The following SLC7A5 variants were observed in gnomAD, a reference collection of about 807,000 sequenced individuals.
SLC7A5 encodes the protein solute carrier family 7 member 5.
In SLC7A5, 23 loss-of-function variants were observed where a neutral mutation model predicts 50.2. That is an observed-to-expected ratio of 0.46 (90% CI 0.33 to 0.65). The LOEUF is 0.65. SLC7A5 is among the 30% of genes least tolerant of loss of function. The pLI, the probability that SLC7A5 is intolerant of heterozygous loss-of-function variation, is 0.02. For synonymous variants in SLC7A5, 393 were observed against 330.6 expected (o/e 1.19, Z -2.05); for missense variants, 578 against 684.4 (o/e 0.84, Z 1.73).
rs1448993331 is a variant in SLC7A5, at chr16:87,862,463, G to A, written c.538+6422C>T. ...TTCCTACTTCCACCCATAGCCCCCC[G>A]ACCCTGGGCCTGTGCCGAGCGTGGG... On this transcript the variant is annotated intron_variant, in intron 1 of 9. Transcript: ENST00000261622. This position sits in a 1 kb window ranked among gnomAD's most constrained non-coding sequence, Gnocchi z 5.3. Among the ~76,000 whole-genome samples, 1 of 152,234 alleles carries A rather than the reference G, an allele frequency of 6.6e-6. No individual in the cohort carries two copies. The highest frequency in any genetic ancestry group is 1.5e-5 in the Non-Finnish European group (1 of 68,036).
chr16:87,852,918 C>T lies in SLC7A5; in HGVS notation c.539-1069G>A, dbSNP rs1441487618. Reference sequence around the variant, plus strand: ...TCACTGCCTGCTGCACTACCCTTCACTCCTCTGCTCACGAGGTTATCTGTC... The same window carrying T: ...TCACTGCCTGCTGCACTACCCTTCATTCCTCTGCTCACGAGGTTATCTGTC... On this transcript the variant is annotated intron_variant, in intron 1 of 9. Transcript: ENST00000261622. This position sits in a 1 kb window ranked among gnomAD's most constrained non-coding sequence, Gnocchi z 4.5. Among the ~76,000 whole-genome samples the T allele has an allele frequency of 6.6e-6, 1 of 152,220 alleles. No homozygotes were observed. The highest frequency in any genetic ancestry group is 1.5e-5 in the Non-Finnish European group (1 of 68,038).
chr16:87,866,451 C>A (rs1337508304), intron 1 of SLC7A5, among the ~76,000 whole-genome samples: 1 of 152,064 alleles, frequency 6.6e-6, no homozygotes, highest in Non-Finnish European at 1.5e-5. Context: ...CAGGTGTGCG[C>A]CATGACGCCC....
intron 3 of SLC7A5, 35 bp from the exon 4 acceptor site, chr16:87,840,508 T>C: frequency 2.0e-6 from 3 of 1,528,574 alleles, no homozygotes; most frequent in Non-Finnish European, 2.7e-6. Context: ...AATTATATGA[T>C]CCTCATCAGG....
At chr16:87,859,856 G>C (rs1441868586) in intron 1 of SLC7A5, among the ~76,000 whole-genome samples, 2 of 151,982 alleles carry the variant, frequency 1.3e-5, no homozygotes, top group African/African-American at 4.8e-5. Flanking sequence ...CAGGAGAATC[G>C]CTTGAACCGG....
At chr16:87,850,807 GC>G (rs1217454500) in intron 2 of SLC7A5, among the ~76,000 whole-genome samples, 1 of 152,206 alleles carries the variant, frequency 6.6e-6, no homozygotes, top group Non-Finnish European at 1.5e-5. Context: ...TGAAACCCCA[GC>G]CCGACCTCAC....
At chr16:87,868,542 T>C (rs967411491) in intron 1 of SLC7A5, among the ~76,000 whole-genome samples, 28 of 152,218 alleles carry the variant, frequency 1.8e-4, no homozygotes, top group South Asian at 6.2e-4. Flanking sequence ...TTACTCCACG[T>C]GGGTGCCACG....
chr16:87,852,572 G>A lies in SLC7A5; in HGVS notation c.539-723C>T, dbSNP rs1417043175. On this transcript the variant is annotated intron_variant, in intron 1 of 9. Coordinates refer to ENST00000261622, the MANE Select transcript of SLC7A5 (RefSeq NM_003486.7). This position sits in a 1 kb window ranked among gnomAD's most constrained non-coding sequence, Gnocchi z 4.5. ...GGCGCTGAGATGTGGGGTCAGGCAC[G>A]CTCAGACAGGTCTCCAGACACCAGC... Among the ~76,000 whole-genome samples the A allele has an allele frequency of 1.3e-5, 2 of 151,726 alleles. No individual in the cohort carries two copies. Among genetic ancestry groups the A allele is most frequent in the African/African-American group, 2.4e-5 (1 of 41,290 alleles).
At chr16:87,867,335 C>G (rs2055475844) in intron 1 of SLC7A5, among the ~76,000 whole-genome samples, 1 of 152,210 alleles carries the variant, frequency 6.6e-6, no homozygotes, top group Non-Finnish European at 1.5e-5. Context: ...CAGTGAAATT[C>G]TAATGACAAA....
rs2055370279 is a variant in SLC7A5, at chr16:87,860,013, A to C, written c.539-8164T>G. On this transcript the variant is annotated intron_variant, in intron 1 of 9. Coordinates refer to ENST00000261622, the MANE Select transcript of SLC7A5 (RefSeq NM_003486.7). The surrounding 1 kb of genome is among the most constrained non-coding windows in gnomAD (Gnocchi z 4.8). The stretch of plus-strand genomic sequence containing the variant: ...TTCTATTGATACCAGGTCTTTAGCT[A>C]ATAACTCTTTCAACCAATTGTGAAT... Among the ~76,000 whole-genome samples, 1 of 151,998 alleles carries C rather than the reference A, an allele frequency of 6.6e-6. No homozygotes were observed. The highest frequency in any genetic ancestry group is 1.5e-5 in the Non-Finnish European group (1 of 68,008).
In SLC7A5 at chr16:87,834,552, G is replaced by A; in HGVS notation, c.1330C>T (p.Leu444Phe). 3 of 1,598,944 alleles carry A rather than the reference G, an allele frequency of 1.9e-6. No homozygotes were observed. Among genetic ancestry groups the A allele is most frequent in the Non-Finnish European group, 1.7e-6 (2 of 1,174,450 alleles). Residue 444 changes from leucine (L) to phenylalanine (F), a missense_variant, in exon 9 of 10, where the codon CTC becomes TTC. Coordinates refer to ENST00000261622, the MANE Select transcript of SLC7A5 (RefSeq NM_003486.7). ...CAGAAGGAGACGGCGATCAGGAAGA[G>A]GCAGGCCAGGATGAAGAACACAGGC... Reference protein sequence around the residue: ...ALPVFFILACLFLIAVSFWKT... With the variant: ...ALPVFFILACFFLIAVSFWKT...
intron 2 of SLC7A5, among the ~76,000 whole-genome samples, chr16:87,844,262 G>A (rs1018731052): frequency 2.0e-5 from 3 of 152,206 alleles, no homozygotes; most frequent in African/African-American, 2.4e-5. Context: ...AACCCCGGGT[G>A]GGGGGAAGGC....
chr16:87,852,492 G>C lies in SLC7A5; in HGVS notation c.539-643C>G, dbSNP rs949963608. Among the ~76,000 whole-genome samples the C allele has an allele frequency of 6.6e-6, 1 of 152,152 alleles. No individual in the cohort carries two copies. Among genetic ancestry groups the C allele is most frequent in the Non-Finnish European group, 1.5e-5 (1 of 68,018 alleles). On this transcript the variant is annotated intron_variant, in intron 1 of 9. Transcript: ENST00000261622. This position sits in a 1 kb window ranked among gnomAD's most constrained non-coding sequence, Gnocchi z 4.5. ...ACGATGAAACCCAAAATAGCACCGTGTGCTTCAGAAGCCTGAGTGACCCCA... is the reference window on the plus strand; with the variant it reads ...ACGATGAAACCCAAAATAGCACCGTCTGCTTCAGAAGCCTGAGTGACCCCA...
At chr16:87,835,211 C>T (rs1456912954) in intron 8 of SLC7A5, among the ~76,000 whole-genome samples, 2 of 152,252 alleles carry the variant, frequency 1.3e-5, no homozygotes, top group Non-Finnish European at 2.9e-5. Context: ...CCACAGGTCC[C>T]AGCCCATCAG....
chr16:87,841,763 G>A lies in SLC7A5; in HGVS notation c.665-608C>T, dbSNP rs1268375997. On this transcript the variant is annotated intron_variant, in intron 2 of 9. Coordinates refer to ENST00000261622, the MANE Select transcript of SLC7A5 (RefSeq NM_003486.7). This position sits in a 1 kb window ranked among gnomAD's most constrained non-coding sequence, Gnocchi z 4.8. ...GGGCCGAGAACGATCCCCGTGCTGTGTGCAGAGCTCTCTCCTTTGCCCTCT... is the reference window on the plus strand; with the variant it reads ...GGGCCGAGAACGATCCCCGTGCTGTATGCAGAGCTCTCTCCTTTGCCCTCT... 6.6e-6 allele frequency among the ~76,000 whole-genome samples: 1 copy of A among 152,264 alleles called. No individual in the cohort carries two copies. The highest frequency in any genetic ancestry group is 2.4e-5 in the African/African-American group (1 of 41,468).
At chr16:87,847,961 C>A (rs538406241) in intron 2 of SLC7A5, among the ~76,000 whole-genome samples, 241 of 152,152 alleles carry the variant, frequency 1.6e-3, no homozygotes, top group African/African-American at 5.3e-3. Flanking sequence ...TAGGTCACAT[C>A]CAGGGGTCTC....
In SLC7A5 at chr16:87,840,431, G is replaced by A; in HGVS notation, c.813C>T (p.Tyr271=). 1 of 1,611,670 alleles carries A rather than the reference G, an allele frequency of 6.2e-7. No individual in the cohort carries two copies. Among genetic ancestry groups the A allele is most frequent in the Non-Finnish European group, 8.5e-7 (1 of 1,177,720 alleles). The stretch of plus-strand genomic sequence containing the variant: ...GCTCCATCCATTCTTGCACGTACCT[G>A]TAGGGGTTGATCATTTCCTCTGTGA... ...NFVTEEMINP[Y]RNLPLAIIIS... The change falls in exon 4 of 10, where the codon TAC becomes TAT. Residue 271 remains tyrosine, a splice_region_variant and synonymous_variant. Coordinates refer to ENST00000261622, the MANE Select transcript of SLC7A5 (RefSeq NM_003486.7).
intron 1 of SLC7A5, among the ~76,000 whole-genome samples, chr16:87,859,284 C>A (rs567404600): frequency 3.2e-4 from 49 of 152,312 alleles, no homozygotes; most frequent in African/African-American, 1.1e-3. Context: ...GCTCACAAGG[C>A]CCCTACACGG....
intron 1 of SLC7A5, among the ~76,000 whole-genome samples, chr16:87,858,629 A>G (rs1487619286): frequency 6.6e-6 from 1 of 152,126 alleles, no homozygotes; most frequent in Admixed American, 6.5e-5. Context: ...TGGGCGGCAA[A>G]GTGAGGACAT....
chr16:87,853,381 C>G lies in SLC7A5; in HGVS notation c.539-1532G>C, dbSNP rs1485807561. On this transcript the variant is annotated intron_variant, in intron 1 of 9. Transcript: ENST00000261622. The surrounding 1 kb of genome is among the most constrained non-coding windows in gnomAD (Gnocchi z 4.4). ...GACGGCTACTACACACCAGGAAAGT[C>G]TGGTTGAAAAATGTCTGAAAGTCAG... 1.3e-5 allele frequency among the ~76,000 whole-genome samples: 2 copies of G among 152,204 alleles called. No individual in the cohort carries two copies. Among genetic ancestry groups the G allele is most frequent in the South Asian group, 2.1e-4 (1 of 4,834 alleles).
Sources: allele counts gnomAD v4.1 joint callset (sites outside exome capture counted in the v4.1 genomes callset), GRCh38; gene constraint gnomAD v4.1.1; non-coding constraint Gnocchi (gnomAD v3.1); transcripts MANE v1.5; gene names NCBI Gene and HGNC (gene_info 2026-07-23, HGNC 2026-07-21).